Variants in AMMECR1 observed in about 807,000 individuals in gnomAD.
The protein encoded by AMMECR1 is nuclear protein AMMECR1.
In AMMECR1, 3 loss-of-function variants were observed where a neutral mutation model predicts 22.5. That is an observed-to-expected ratio of 0.13 (90% CI 0.06 to 0.35). The LOEUF (loss-of-function observed/expected upper bound fraction) is 0.35. Among genes scored for constraint, AMMECR1 ranks in the 10% least tolerant of loss-of-function variants. The probability of loss-of-function intolerance (pLI) is 1.00; values close to 1 mark genes in which losing one functional copy is unlikely to be tolerated. For synonymous variants in AMMECR1, 130 were observed against 116.7 expected, an observed-to-expected ratio of 1.11 and a Z score of -0.74; for missense variants, 235 against 278.7, an observed-to-expected ratio of 0.84 and a Z score of 1.12.
chrX:110,245,444 T>C (rs1391642404), intron 2 of AMMECR1, among the ~76,000 whole-genome samples: 1 of 111,396 alleles, frequency 9.0e-6, no homozygotes, highest in Non-Finnish European at 1.9e-5. Flanking sequence ...ATTTGTTACA[T>C]AGACACTTAT....
intron 1 of AMMECR1, among the ~76,000 whole-genome samples, chrX:110,273,062 T>A (rs1304146981): frequency 8.9e-5 from 10 of 112,052 alleles, no homozygotes; most frequent in Non-Finnish European, 1.7e-4. Context: ...AGTAGTTCTA[T>A]TTTTAGTTCT....
chrX:110,204,676 C>T (rs2067413741), intron 3 of AMMECR1, among the ~76,000 whole-genome samples: 1 of 111,236 alleles, frequency 9.0e-6, no homozygotes, highest in Non-Finnish European at 1.9e-5. Flanking sequence ...TGTTCTTGAA[C>T]AAAAATATCA....
At chrX:110,232,924 G>C (rs1037019920) in intron 2 of AMMECR1, among the ~76,000 whole-genome samples, 7 of 85,038 alleles carry the variant, frequency 8.2e-5, no homozygotes, top group African/African-American at 1.4e-4. Context: ...AAAAGAACTA[G>C]AGAAGCAAGA....
chrX:110,316,051 G>A (rs745563389), intron 1 of AMMECR1, among the ~76,000 whole-genome samples: 6 of 112,020 alleles, frequency 5.4e-5, no homozygotes, highest in Admixed American at 9.4e-5. Context: ...TTTATTTGAC[G>A]AAGTGTTCTC....
intron 2 of AMMECR1, among the ~76,000 whole-genome samples, chrX:110,219,122 T>C (rs745543656): frequency 8.9e-6 from 1 of 111,938 alleles, no homozygotes; most frequent in South Asian, 3.7e-4. Context: ...AGTTTTAATG[T>C]GGATGTATGT....
intron 2 of AMMECR1, among the ~76,000 whole-genome samples, chrX:110,235,541 T>C (rs1424004453): frequency 8.9e-6 from 1 of 112,298 alleles, no homozygotes; most frequent in East Asian, 2.8e-4. Flanking sequence ...CTATTCACAA[T>C]AGCAAAGACT....
intron 1 of AMMECR1, among the ~76,000 whole-genome samples, chrX:110,306,048 G>A (rs1002733492): frequency 4.5e-5 from 5 of 110,721 alleles, no homozygotes; most frequent in Non-Finnish European, 9.4e-5. Context: ...TTGGGAGGCC[G>A]AGGCAGGCGG....
chrX:110,371,238 A>G (rs1178400376), intron 2 of AMMECR1, among the ~76,000 whole-genome samples: 2 of 109,932 alleles, frequency 1.8e-5, no homozygotes, highest in Admixed American at 1.9e-4. Flanking sequence ...ACCTTTATAG[A>G]CTGCATTTAA....
chrX:110,306,336 C>T (rs2067995069), intron 1 of AMMECR1, among the ~76,000 whole-genome samples: 1 of 111,924 alleles, frequency 8.9e-6, no homozygotes, highest in African/African-American at 3.2e-5. Context: ...TAAAAAGTTA[C>T]TTTTGATTTT....
intron 2 of AMMECR1, among the ~76,000 whole-genome samples, chrX:110,418,691 G>C (rs1192281941): frequency 9.0e-6 from 1 of 111,603 alleles, no homozygotes; most frequent in Non-Finnish European, 1.9e-5. Context: ...GGACCTTATG[G>C]GATCAGAGAC....
chrX:110,204,070 G>A (rs1220544883), intron 3 of AMMECR1, among the ~76,000 whole-genome samples: 1 of 111,367 alleles, frequency 9.0e-6, no homozygotes, highest in Non-Finnish European at 1.9e-5. Context: ...AAATATGAGC[G>A]CTTAGCTATC....
At chrX:110,392,083 T>C (rs931956769) in intron 2 of AMMECR1, among the ~76,000 whole-genome samples, 4 of 111,906 alleles carry the variant, frequency 3.6e-5, no homozygotes, top group Non-Finnish European at 7.5e-5. Flanking sequence ...TTATGATCCA[T>C]GCTTGTATGA....
intron 1 of AMMECR1, among the ~76,000 whole-genome samples, chrX:110,429,152 C>A (rs1375258143): frequency 8.9e-6 from 1 of 112,102 alleles, no homozygotes; most frequent in Admixed American, 9.4e-5. Context: ...TACCACACAG[C>A]CTGATATTAA....
At chrX:110,307,887 T>G (rs1349649908) in intron 1 of AMMECR1, among the ~76,000 whole-genome samples, 3 of 94,531 alleles carry the variant, frequency 3.2e-5, no homozygotes, top group East Asian at 6.2e-4. Flanking sequence ...TTTTTTTTTT[T>G]GAGACATGGT....
intron 1 of AMMECR1, among the ~76,000 whole-genome samples, chrX:110,274,387 C>G (rs754514423): frequency 1.1e-4 from 12 of 111,150 alleles, no homozygotes; most frequent in African/African-American, 3.9e-4. Flanking sequence ...TCTACTTATC[C>G]TTTTATGTGT....
chrX:110,378,939 T>G (rs781155053), intron 2 of AMMECR1, among the ~76,000 whole-genome samples: 3 of 111,104 alleles, frequency 2.7e-5, no homozygotes, highest in East Asian at 5.7e-4. Flanking sequence ...CCACCCCTGC[T>G]GCCCACTGCT....
intron 3 of AMMECR1, among the ~76,000 whole-genome samples, chrX:110,206,324 G>A (rs1460908772): frequency 5.3e-5 from 6 of 112,237 alleles, no homozygotes; most frequent in African/African-American, 6.5e-5. Flanking sequence ...ATCTAGTCCC[G>A]TGTTAGAAAT....
intron 2 of AMMECR1, among the ~76,000 whole-genome samples, chrX:110,331,588 G>T (rs2068120981): frequency 9.0e-6 from 1 of 110,995 alleles, no homozygotes; most frequent in Non-Finnish European, 1.9e-5. Flanking sequence ...CTCCTACTGA[G>T]AGCCATGTGA....
chrX:110,405,093 C>A (rs772955322), intron 2 of AMMECR1, among the ~76,000 whole-genome samples: 3 of 99,441 alleles, frequency 3.0e-5, no homozygotes, highest in East Asian at 6.7e-4. Flanking sequence ...TTGTGTCCCC[C>A]CCCCCCCCAA....
Sources: gnomAD v4.1 joint callset for allele counts (sites outside exome capture counted in the v4.1 genomes callset) on GRCh38, gnomAD v4.1.1 for gene constraint, MANE v1.5 for transcripts, NCBI Gene and HGNC (gene_info 2026-07-23, HGNC 2026-07-21) for gene names.